The following WIPI1 variants were observed in gnomAD, a reference collection of about 807,000 sequenced individuals.
The protein encoded by WIPI1 is WD repeat domain, phosphoinositide interacting 1.
Under a neutral mutation model 55.3 loss-of-function variants are expected in WIPI1, and 45 were observed. The ratio of observed to expected loss-of-function variants is 0.81; its 90% CI spans 0.64 to 1.04. The LOEUF is 1.04. Ranked by LOEUF, WIPI1 falls within the 50% of genes least tolerant of loss-of-function variation. WIPI1 has a pLI of 0.00. For synonymous variants in WIPI1, 195 were observed against 217.6 expected, an observed-to-expected ratio of 0.90 and a Z score of 0.92; for missense variants, 445 against 559.0, an observed-to-expected ratio of 0.80 and a Z score of 2.06.
chr17:68,426,030 A>G (rs768074448), intron 12 of WIPI1, 45 bp downstream of exon 12: 2 of 1,526,976 alleles, frequency 1.3e-6, no homozygotes, highest in South Asian at 1.1e-5. Flanking sequence ...GTTTCCTTCT[A>G]AGCACACAGA....
At chr17:68,439,606 G>A (rs950380013) in intron 4 of WIPI1, among the ~76,000 whole-genome samples, 1 of 152,114 alleles carries the variant, frequency 6.6e-6, no homozygotes, top group Non-Finnish European at 1.5e-5. Context: ...CATTTTAAAC[G>A]GGTGAATTGT....
At chr17:68,457,214 G>T in intron 1 of WIPI1, 128 bp downstream of exon 1, 1 of 1,144,430 alleles carries the variant, frequency 8.7e-7, no homozygotes, top group Non-Finnish European at 1.2e-6. Flanking sequence ...CAATGCGTCC[G>T]AAGCAGACAC....
At chr17:68,426,253 G>C in intron 11 of WIPI1, 78 bp from the exon 12 acceptor site, 1 of 841,018 alleles carries the variant, frequency 1.2e-6, no homozygotes, top group South Asian at 1.3e-5. Context: ...GGGGAGCGGG[G>C]GCTCAAATAA....
chr17:68,428,597 G>A lies in WIPI1; in HGVS notation c.1073+232C>T, dbSNP rs990105445. On this transcript the variant is annotated intron_variant, in intron 10 of 12. Coordinates refer to ENST00000262139, the MANE Select transcript of WIPI1 (RefSeq NM_017983.7). ...TGTGTTAGGAGCATAGGCTGAGGGG[G>A]AGACCATCTTGTGTGTTATTAATCC... 1.1e-4 allele frequency: 49 copies of A among 464,212 alleles called. 2 individuals are homozygous for A. Among genetic ancestry groups the A allele is most frequent in the South Asian group, 1.0e-3 (47 of 45,984 alleles). 28.8% of individuals were successfully genotyped at this position (464,212 alleles called of 1,614,324 possible). A position where few individuals can be genotyped will look rare whatever the true frequency, so the allele number is the denominator to read the frequency against.
At chr17:68,443,924 T>G (rs1273053102) in intron 4 of WIPI1, among the ~76,000 whole-genome samples, 1 of 152,260 alleles carries the variant, frequency 6.6e-6, no homozygotes, top group Non-Finnish European at 1.5e-5. Flanking sequence ...TATTTCAATA[T>G]AACAAATCCA....
chr17:68,429,602 T>C (rs2083416948), intron 9 of WIPI1, among the ~76,000 whole-genome samples: 1 of 151,974 alleles, frequency 6.6e-6, no homozygotes, highest in Non-Finnish European at 1.5e-5. Flanking sequence ...TTCTTTTTCT[T>C]TTTTGAGATG....
In WIPI1 at chr17:68,436,407, A is replaced by G. The variant is rs2083789073; in HGVS notation, c.503T>C (p.Ile168Thr). 1 of 1,613,650 alleles carries G rather than the reference A, an allele frequency of 6.2e-7. No individual in the cohort carries two copies. The highest frequency in any genetic ancestry group is 8.5e-7 in the Non-Finnish European group (1 of 1,179,724). Residue 168 changes from isoleucine to threonine, a missense_variant, in exon 5 of 13, where the codon ATT (isoleucine) becomes ACT (threonine). By Grantham distance (89) the Ile-to-Thr change is moderately conservative. Transcript: ENST00000262139. ...AYPGSLTSGE[I>T]VLYDGNSLKT... is the part of the protein sequence containing the mutation. ...CAGGGAGTTTCCATCATAAAGCACA[A>G]TCTCCCCTGAAGTCAGGCTTCCAGG...
At position 68,421,781 on chromosome 17, in the gene WIPI1, G is replaced by C; in HGVS notation, c.1333C>G (p.Gln445Glu). ...CRGNQKGKTKQS is the reference protein window; with the variant it reads ...CRGNQKGKTKES ...CTGAGGTGTGCTTCTCATCATGACT[G>C]CTTCGTTTTGCCCTTCTGATTTCCA... Residue 445 changes from glutamine to glutamate, a missense_variant, in exon 13 of 13, where the codon CAG (glutamine) becomes GAG (glutamate). By Grantham distance (29) the Gln-to-Glu change is conservative. Transcript: ENST00000262139. 1 of 1,614,196 alleles carries C rather than the reference G, an allele frequency of 6.2e-7. No homozygotes were observed. Among genetic ancestry groups the C allele is most frequent in the Non-Finnish European group, 8.5e-7 (1 of 1,180,032 alleles).
intron 8 of WIPI1, 64 bp downstream of exon 8, chr17:68,433,404 G>A: frequency 7.2e-7 from 1 of 1,393,164 alleles, no homozygotes; most frequent in Non-Finnish European, 1.0e-6. Context: ...ATTCATGCCA[G>A]TAGAAGAGCC....
intron 5 of WIPI1, 65 bp downstream of exon 5, chr17:68,436,317 A>G (rs1044586388): frequency 1.5e-4 from 220 of 1,477,316 alleles, no homozygotes; most frequent in Non-Finnish European, 1.9e-4. Flanking sequence ...GTCCTTATCT[A>G]TCTCCTTCCA....
At chr17:68,442,813 C>T (rs904302708) in intron 4 of WIPI1, among the ~76,000 whole-genome samples, 6 of 152,180 alleles carry the variant, frequency 3.9e-5, no homozygotes, top group African/African-American at 1.2e-4. Context: ...AGGCTGCTGG[C>T]GCACCTGTCT....
chr17:68,425,948 A>G (rs2083139670), intron 12 of WIPI1, 127 bp downstream of exon 12: 1 of 723,470 alleles, frequency 1.4e-6, no homozygotes, highest in Admixed American at 2.5e-5. Context: ...CTTTCCAAAT[A>G]CTAGAGCAGA....
intron 3 of WIPI1, among the ~76,000 whole-genome samples, chr17:68,448,923 C>T (rs565337101): frequency 6.6e-6 from 1 of 152,314 alleles, no homozygotes; most frequent in Non-Finnish European, 1.5e-5. Flanking sequence ...CTTACTCCTG[C>T]TACTCCCTAC....
rs749738363 is a variant in WIPI1 at position 68,426,118 on chromosome 17, G to A, written c.1250C>T (p.Ala417Val). The change falls in exon 12 of 13, where the codon GCG (alanine) becomes GTG (valine). Residue 417 changes from alanine to valine, a missense_variant. Coordinates refer to ENST00000262139, the MANE Select transcript of WIPI1 (RefSeq NM_017983.7). ...ATCATCAAGACACACTGGTCCCGTC[G>A]CAAACTCATGTTCAGGAATAACTTC... ...RGEVIPEHEF[A>V]TGPVCLDDEN... The A allele has an allele frequency of 5.0e-6, 8 of 1,612,380 alleles. No homozygotes were observed. The highest frequency in any genetic ancestry group is 2.2e-5 in the East Asian group (1 of 44,886).
At chr17:68,437,948 T>TAAAAAAAAAAAAAG (rs2083895282) in intron 4 of WIPI1, among the ~76,000 whole-genome samples, 1 of 78,806 alleles carries the variant, frequency 1.3e-5, no homozygotes, top group African/African-American at 4.8e-5. Context: ...ACATCTCTCT[T>TAAAAAAAAAAAAAG]AAAAAAAAAA....
At chr17:68,424,340 C>T in intron 12 of WIPI1, 1 of 481,510 alleles carries the variant, frequency 2.1e-6, no homozygotes, top group Non-Finnish European at 4.3e-6. Context: ...CAGCCCCAGC[C>T]CTGCATGCAG....
chr17:68,431,388 C>T (rs190204310), intron 8 of WIPI1, among the ~76,000 whole-genome samples: 37 of 151,904 alleles, frequency 2.4e-4, no homozygotes, highest in Non-Finnish European at 3.4e-4. Context: ...CGGCACGTGG[C>T]GCATACTGTT....
chr17:68,437,086 T>C (rs1387351506), intron 4 of WIPI1, among the ~76,000 whole-genome samples: 1 of 151,870 alleles, frequency 6.6e-6, no homozygotes, highest in Non-Finnish European at 1.5e-5. Context: ...AAACAGCATC[T>C]ACTTTTCTTC....
intron 4 of WIPI1, among the ~76,000 whole-genome samples, chr17:68,442,718 G>A (rs1010305495): frequency 6.6e-6 from 1 of 152,072 alleles, no homozygotes; most frequent in Non-Finnish European, 1.5e-5. Flanking sequence ...CAGATTCAGG[G>A]GCCTCTCATT....
Sources: gnomAD v4.1 joint callset for allele counts (sites outside exome capture counted in the v4.1 genomes callset) on GRCh38, gnomAD v4.1.1 for gene constraint, MANE v1.5 for transcripts, NCBI Gene and HGNC (gene_info 2026-07-23, HGNC 2026-07-21) for gene names.